The following CHODL variants were observed in gnomAD, a reference collection of about 807,000 sequenced individuals.
CHODL encodes the protein transmembrane protein MT75.
In CHODL, 29 loss-of-function variants were observed where a neutral mutation model predicts 34.5. The ratio of observed to expected loss-of-function variants is 0.84; its 90% CI spans 0.63 to 1.15. The LOEUF is 1.15. CHODL is among the 50% of genes most tolerant of loss of function. The pLI is 0.00. For synonymous variants in CHODL, 125 were observed against 116.1 expected (o/e 1.08, Z -0.49); for missense variants, 332 against 332.5 (o/e 1.00, Z 0.01).
rs986764823 is a variant in CHODL, at chr21:18,080,733, C to G, written c.-45+52762C>G. ...ATACTAGTACCTTCTGTTTTAGTCA[C>G]TATAGCTTAGTAGTATAATTTGAAG... On this transcript the variant is annotated intron_variant, in intron 2 of 6. Coordinates refer to the CHODL transcript ENST00000400127. 2.6e-5 allele frequency among the ~76,000 whole-genome samples: 4 copies of G among 152,138 alleles called. No individual in the cohort carries two copies. The East Asian group carries it at 5.8e-4, about 22-fold the overall frequency.
At chr21:17,993,441 C>T (rs997560275) in intron 1 of CHODL, among the ~76,000 whole-genome samples, 2 of 152,180 alleles carry the variant, frequency 1.3e-5, no homozygotes, top group African/African-American at 4.8e-5. Context: ...CATCAATTAG[C>T]TCTCACTTGT....
chr21:18,220,852 C>T (rs2073876524), intron 2 of CHODL, among the ~76,000 whole-genome samples: 1 of 152,082 alleles, frequency 6.6e-6, no homozygotes, highest in Non-Finnish European at 1.5e-5. Flanking sequence ...GACAGTTTGA[C>T]TATAATGTGC....
chr21:18,156,317 A>G (rs1414507058), intron 2 of CHODL, among the ~76,000 whole-genome samples: 1 of 152,148 alleles, frequency 6.6e-6, no homozygotes, highest in Admixed American at 6.5e-5. Flanking sequence ...GTGTGATTCA[A>G]TCTCACTTGT....
At chr21:18,123,231 A>G (rs2065502152) in intron 2 of CHODL, among the ~76,000 whole-genome samples, 1 of 152,146 alleles carries the variant, frequency 6.6e-6, no homozygotes, top group Non-Finnish European at 1.5e-5. Context: ...CCTAAAAGTA[A>G]AGCCCAATAT....
At chr21:18,055,944 G>A (rs2064574980) in intron 2 of CHODL, among the ~76,000 whole-genome samples, 2 of 152,020 alleles carry the variant, frequency 1.3e-5, no homozygotes, top group Admixed American at 1.3e-4. Context: ...GTCTCTTTTT[G>A]TCATAATGTT....
chr21:18,234,832 T>C (rs769243809), intron 2 of CHODL, among the ~76,000 whole-genome samples: 3 of 152,150 alleles, frequency 2.0e-5, no homozygotes, highest in Non-Finnish European at 4.4e-5. Context: ...TTAACTTACC[T>C]TCTTGTTGAG....
intron 1 of CHODL, among the ~76,000 whole-genome samples, chr21:17,969,757 T>G (rs2063599777): frequency 6.6e-6 from 1 of 152,204 alleles, no homozygotes; most frequent in Non-Finnish European, 1.5e-5. Context: ...GAGAGTACTT[T>G]GAGGCATTAC....
intron 2 of CHODL, among the ~76,000 whole-genome samples, chr21:18,098,357 T>G (rs2065166293): frequency 6.6e-6 from 1 of 151,418 alleles, no homozygotes; most frequent in African/African-American, 2.4e-5. Context: ...TCAATAACTC[T>G]ATAGGAAAAA....
intron 1 of CHODL, among the ~76,000 whole-genome samples, chr21:17,971,905 A>G (rs867755764): frequency 2.6e-5 from 4 of 152,350 alleles, no homozygotes; most frequent in Middle Eastern, 3.4e-3. Flanking sequence ...TGATGTGAAA[A>G]TCCTCAATAA....
intron 2 of CHODL, among the ~76,000 whole-genome samples, chr21:18,210,822 A>G (rs2146722422): frequency 6.6e-6 from 1 of 152,338 alleles, no homozygotes; most frequent in Admixed American, 6.5e-5. Flanking sequence ...CACAGTAGCC[A>G]GAATGTCAGA....
At chr21:17,927,108 G>GTATATATGTATATATGTA (rs1208168913) in intron 1 of CHODL, among the ~76,000 whole-genome samples, 4 of 131,774 alleles carry the variant, frequency 3.0e-5, no homozygotes, top group African/African-American at 1.5e-4. Flanking sequence ...CTGTGTGTAT[G>GTATATATGTATATATGTA]TATATATGTA....
intron 2 of CHODL, among the ~76,000 whole-genome samples, chr21:18,070,954 ATATT>A (rs1387497512): frequency 6.6e-6 from 1 of 151,818 alleles, no homozygotes; most frequent in Non-Finnish European, 1.5e-5. Context: ...AGTCTTGTCA[ATATT>A]TATTTGTTAT....
chr21:18,264,227 G>C (rs962273881), intron 5 of CHODL, among the ~76,000 whole-genome samples: 21 of 152,072 alleles, frequency 1.4e-4, no homozygotes, highest in African/African-American at 4.6e-4. Context: ...CAGATGCTGG[G>C]AACTGGGGCT....
intron 2 of CHODL, among the ~76,000 whole-genome samples, chr21:18,126,825 C>T (rs1228253698): frequency 1.3e-5 from 2 of 152,092 alleles, no homozygotes; most frequent in Admixed American, 1.3e-4. Flanking sequence ...CCATGATGCT[C>T]CGGTGGGAAA....
At chr21:17,969,408 T>A (rs1416820728) in intron 1 of CHODL, among the ~76,000 whole-genome samples, 3 of 152,234 alleles carry the variant, frequency 2.0e-5, no homozygotes, top group Non-Finnish European at 2.9e-5. Context: ...AACATTGTAT[T>A]ATGAATGCCA....
At chr21:18,193,712 A>AAAATAAATAAAT (rs199894126) in intron 2 of CHODL, among the ~76,000 whole-genome samples, 21 of 139,334 alleles carry the variant, frequency 1.5e-4, no homozygotes, top group East Asian at 1.3e-3. Flanking sequence ...AAAAAAAAAT[A>AAAATAAATAAAT]AAATAAATAA....
chr21:18,238,620 G>A (rs1300547512), intron 2 of CHODL, among the ~76,000 whole-genome samples: 5 of 152,046 alleles, frequency 3.3e-5, no homozygotes, highest in Admixed American at 1.3e-4. Flanking sequence ...AGGGGTTGCT[G>A]TGGATGGGTG....
intron 2 of CHODL, among the ~76,000 whole-genome samples, chr21:18,105,080 T>C (rs1450983216): frequency 6.6e-6 from 1 of 152,198 alleles, no homozygotes; most frequent in Non-Finnish European, 1.5e-5. Flanking sequence ...CTGGAAAGGG[T>C]AGATATTTTT....
intron 2 of CHODL, among the ~76,000 whole-genome samples, chr21:18,203,467 A>T (rs866812601): frequency 6.6e-6 from 1 of 152,094 alleles, no homozygotes; most frequent in Non-Finnish European, 1.5e-5. Flanking sequence ...CCATCAAAAC[A>T]TTATTAATTT....
Sources: allele counts gnomAD v4.1 joint callset (sites outside exome capture counted in the v4.1 genomes callset), GRCh38; gene constraint gnomAD v4.1.1; transcripts MANE v1.5; gene names NCBI Gene and HGNC (gene_info 2026-07-23, HGNC 2026-07-21).